The following SPHKAP variants were observed in gnomAD, a reference collection of about 807,000 sequenced individuals.
SPHKAP encodes A-kinase anchor protein SPHKAP.
Under a neutral mutation model 137.5 loss-of-function variants are expected in SPHKAP, and 67 were observed. The ratio of observed to expected loss-of-function variants is 0.49; its 90% CI spans 0.40 to 0.60. The LOEUF is 0.60. Ranked by LOEUF, SPHKAP falls within the 20% of genes least tolerant of loss-of-function variation. The probability of loss-of-function intolerance (pLI) is 0.00; values close to 1 mark genes in which losing one functional copy is unlikely to be tolerated. For missense variants in SPHKAP, 2,097 were observed against 2,069.3 expected (o/e 1.01, Z -0.26); for synonymous variants, 813 against 785.3 (o/e 1.04, Z -0.59).
intron 3 of SPHKAP, among the ~76,000 whole-genome samples, chr2:228,063,933 C>G (rs1696744259): frequency 2.6e-5 from 4 of 152,044 alleles, no homozygotes; most frequent in Admixed American, 2.6e-4. Context: ...TATTAGTTAC[C>G]CAAATGAAAC....
chr2:228,045,147 G>A (rs1374652530), intron 3 of SPHKAP, among the ~76,000 whole-genome samples: 4 of 151,526 alleles, frequency 2.6e-5, no homozygotes, highest in Non-Finnish European at 5.9e-5. Context: ...TACACTGTTG[G>A]TGGGACTGTA....
intron 1 of SPHKAP, among the ~76,000 whole-genome samples, chr2:228,141,013 TAAGAC>T (rs899940930): frequency 1.3e-5 from 2 of 152,208 alleles, no homozygotes; most frequent in Non-Finnish European, 2.9e-5. Flanking sequence ...AACAGCCTAA[TAAGAC>T]AAGATTATAT....
intron 7 of SPHKAP, among the ~76,000 whole-genome samples, chr2:228,000,156 T>A (rs1279699692): frequency 6.6e-6 from 1 of 152,204 alleles, no homozygotes; most frequent in Non-Finnish European, 1.5e-5. Flanking sequence ...GTCATATAGT[T>A]GGAATCATAT....
At chr2:228,171,229 A>G (rs1334854027) in intron 1 of SPHKAP, among the ~76,000 whole-genome samples, 1 of 152,130 alleles carries the variant, frequency 6.6e-6, no homozygotes, top group Admixed American at 6.6e-5. Context: ...TCTTAAGTAC[A>G]ATCTGTTGCA....
At chr2:228,155,440 A>C (rs1700079792) in intron 1 of SPHKAP, among the ~76,000 whole-genome samples, 1 of 152,274 alleles carries the variant, frequency 6.6e-6, no homozygotes, top group South Asian at 2.1e-4. Context: ...AAGACCATAA[A>C]CCGGATATGA....
chr2:228,160,295 A>T (rs1186689491), intron 1 of SPHKAP, among the ~76,000 whole-genome samples: 1 of 152,166 alleles, frequency 6.6e-6, no homozygotes, highest in Non-Finnish European at 1.5e-5. Context: ...TGTTACCGGT[A>T]AACTTTTATA....
Position 228,018,293 on chromosome 2 carries a change from C to T in SPHKAP, c.2561G>A (p.Arg854Lys). The change falls in exon 7 of 12, where the codon AGA becomes AAA. Residue 854 changes from arginine to lysine, a missense_variant. Coordinates refer to ENST00000392056, the MANE Select transcript of SPHKAP (RefSeq NM_001142644.2). ...GGACCTTTGTCCTTCGGAAGAGGCT[C>T]TGCATTCATTCTCACTGTGATGAGG... is the stretch of plus-strand genomic sequence containing the variant. ...KSPHHSENEC[R>K]ASSEGQRSPT... is the part of the protein sequence containing the mutation. The T allele has an allele frequency of 6.2e-7, 1 of 1,614,216 alleles. No individual in the cohort carries two copies. The highest frequency in any genetic ancestry group is 8.5e-7 in the Non-Finnish European group (1 of 1,180,028).
chr2:228,149,838 T>A (rs780491699), intron 1 of SPHKAP, among the ~76,000 whole-genome samples: 1 of 152,188 alleles, frequency 6.6e-6, no homozygotes, highest in Non-Finnish European at 1.5e-5. Flanking sequence ...TATCTGCAGA[T>A]TATTTTTTTA....
chr2:228,119,068 T>A (rs1441311647), intron 2 of SPHKAP, among the ~76,000 whole-genome samples: 1 of 152,164 alleles, frequency 6.6e-6, no homozygotes, highest in Non-Finnish European at 1.5e-5. Context: ...TTTCTAAGGA[T>A]GACATTGAGC....
chr2:228,140,364 G>T (rs1559195796), intron 1 of SPHKAP, among the ~76,000 whole-genome samples: 1 of 151,978 alleles, frequency 6.6e-6, no homozygotes, highest in East Asian at 1.9e-4. Flanking sequence ...GGGACATTCA[G>T]AATGTATGTT....
At chr2:228,030,368 GC>G (rs1197175266) in intron 3 of SPHKAP, among the ~76,000 whole-genome samples, 1 of 151,798 alleles carries the variant, frequency 6.6e-6, no homozygotes, top group Admixed American at 6.6e-5. Context: ...ACAAAAAACA[GC>G]CGGGTGTGGT....
chr2:228,093,859 C>CAAAAAAAA lies in SPHKAP; in HGVS notation c.246+14965_246+14972dup, dbSNP rs11336381. On this transcript the variant is annotated intron_variant, in intron 3 of 11. Coordinates refer to ENST00000392056, the MANE Select transcript of SPHKAP (RefSeq NM_001142644.2). ...TGGGCGACAGGGCAAGACTCCGTTTCAAAAAAAAAAAAAAAAAAAAAAAAA... is the reference window on the plus strand; with the variant it reads ...TGGGCGACAGGGCAAGACTCCGTTTCAAAAAAAAAAAAAAAAAAAAAAAAAAAAAAAAA... Among the ~76,000 whole-genome samples the CAAAAAAAA allele has an allele frequency of 2.9e-3, 224 of 77,124 alleles. 21 individuals are homozygous for CAAAAAAAA. The highest frequency in any genetic ancestry group is 3.7e-3 in the Non-Finnish European group (160 of 42,958). The allele number at this position is 77,124 out of a possible 152,430, so 50.6% of individuals were successfully genotyped here.
chr2:228,161,765 C>T lies in SPHKAP; in HGVS notation c.32+19802G>A, dbSNP rs571066602. Among the ~76,000 whole-genome samples, 272 of 151,862 alleles carry T rather than the reference C, an allele frequency of 1.8e-3. 1 individual carries two copies. The highest frequency in any genetic ancestry group is 6.4e-3 in the African/African-American group (264 of 41,170). On this transcript the variant is annotated intron_variant, in intron 1 of 11. Coordinates refer to ENST00000392056, the MANE Select transcript of SPHKAP (RefSeq NM_001142644.2). ...ATGTTTGCTTAGAAGTACAAATCCA[C>T]ATTGCATCTAATCCACTCTTACAAA...
intron 1 of SPHKAP, among the ~76,000 whole-genome samples, chr2:228,137,220 A>G (rs570307476): frequency 6.6e-6 from 1 of 152,326 alleles, no homozygotes; most frequent in East Asian, 1.9e-4. Context: ...TTTAGGCTGT[A>G]AGTTCTAAAA....
chr2:227,994,927 C>T (rs1693572270), intron 8 of SPHKAP, among the ~76,000 whole-genome samples: 2 of 152,186 alleles, frequency 1.3e-5, no homozygotes, highest in Admixed American at 6.5e-5. Flanking sequence ...AGATTTTGGG[C>T]AGAAACACAG....
At chr2:228,171,394 A>G (rs989973106) in intron 1 of SPHKAP, among the ~76,000 whole-genome samples, 3 of 152,118 alleles carry the variant, frequency 2.0e-5, no homozygotes, top group Admixed American at 6.6e-5. Context: ...CCCACATCCA[A>G]TGGGTTCCCA....
At position 228,018,786 on chromosome 2, in the gene SPHKAP, T is replaced by C. The variant is rs1311176991; in HGVS notation, c.2068A>G (p.Ile690Val). The change falls in exon 7 of 12, where the codon ATC (isoleucine) becomes GTC (valine). Residue 690 changes from isoleucine (I) to valine (V), a missense_variant. Ile to Val is a conservative substitution (Grantham distance 29). Transcript: ENST00000392056. ...IDEVHHKNMIIDPNDNRHSSE... is the reference protein window; with the variant it reads ...IDEVHHKNMIVDPNDNRHSSE... ...GAATGCCTGTTGTCATTGGGGTCGA[T>C]TATCATATTTTTGTGGTGAACTTCA... The C allele has an allele frequency of 6.2e-7, 1 of 1,614,058 alleles. No individual in the cohort carries two copies. Among genetic ancestry groups the C allele is most frequent in the East Asian group, 2.2e-5 (1 of 44,874 alleles).
chr2:228,026,216 C>A (rs1695030445), intron 4 of SPHKAP, among the ~76,000 whole-genome samples: 1 of 152,140 alleles, frequency 6.6e-6, no homozygotes, highest in South Asian at 2.1e-4. Flanking sequence ...GTCCAATAAA[C>A]CTCTTTCTTA....
At chr2:228,158,589 T>A (rs184076384) in intron 1 of SPHKAP, among the ~76,000 whole-genome samples, 68 of 152,218 alleles carry the variant, frequency 4.5e-4, no homozygotes, top group African/African-American at 1.6e-3. Flanking sequence ...TCAAGAAGAA[T>A]AGAATTGGGA....
Sources: gnomAD v4.1 joint callset for allele counts (sites outside exome capture counted in the v4.1 genomes callset) on GRCh38, gnomAD v4.1.1 for gene constraint, MANE v1.5 for transcripts, NCBI Gene and HGNC (gene_info 2026-07-23, HGNC 2026-07-21) for gene names.